Variants in BRCA1 observed in about 807,000 individuals in gnomAD.
The protein encoded by BRCA1 is BRCA1 DNA repair associated.
A neutral mutation model predicts 173.7 loss-of-function variants in BRCA1; 140 were observed. That is an observed-to-expected ratio of 0.81 (90% CI 0.70 to 0.93). The LOEUF is 0.93. Among genes scored for constraint, BRCA1 ranks in the 40% least tolerant of loss-of-function variants. The pLI is 0.00. For synonymous variants in BRCA1, 662 were observed against 756.0 expected (o/e 0.88, Z 2.04); for missense variants, 1,983 against 2,172.5 (o/e 0.91, Z 1.73).
At chr17:43,129,945 C>T (rs1284813191), upstream of BRCA1, among the ~76,000 whole-genome samples, 3 of 152,078 alleles carry the variant, frequency 2.0e-5, no homozygotes, top group Non-Finnish European at 2.9e-5. Flanking sequence ...GAATACTTGA[C>T]GTCAGCAGGA....
intron 11 of BRCA1, among the ~76,000 whole-genome samples, chr17:43,088,424 C>T (rs1396691693): frequency 2.0e-5 from 3 of 151,736 alleles, no homozygotes; most frequent in East Asian, 1.9e-4. Flanking sequence ...AGGCAATGTA[C>T]CCAGAGTAAC....
At chr17:43,100,678 A>ATATATATATATATATATATATATAT (rs1491277616) in intron 6 of BRCA1, among the ~76,000 whole-genome samples, 1 of 36,280 alleles carries the variant, frequency 2.8e-5, no homozygotes, top group Non-Finnish European at 4.5e-5. Context: ...ATATATATAT[A>ATATATATATATATATATATATATAT]ATATATATAT....
At chr17:43,124,370 G>A (rs902474145) in intron 1 of BRCA1, among the ~76,000 whole-genome samples, 4 of 152,146 alleles carry the variant, frequency 2.6e-5, no homozygotes, top group African/African-American at 9.7e-5. Context: ...CTCCAAGAAA[G>A]AGAAAGCTAC....
At chr17:43,097,216 T>C in intron 8 of BRCA1, 28 bp downstream of exon 8, 5 of 1,605,014 alleles carry the variant, frequency 3.1e-6, no homozygotes, top group Non-Finnish European at 4.3e-6. Context: ...AATACCAGCT[T>C]CATAGACAAA....
chr17:43,099,694 A>G (rs2154527504), intron 7 of BRCA1, 81 bp downstream of exon 7: 2 of 1,221,238 alleles, frequency 1.6e-6, no homozygotes, highest in Non-Finnish European at 2.4e-6. Context: ...AATACAAATT[A>G]TGACCAAGAT....
chr17:43,096,393 A>AAAAAAG (rs1555593762), intron 8 of BRCA1, among the ~76,000 whole-genome samples: 1 of 149,796 alleles, frequency 6.7e-6, no homozygotes, highest in African/African-American at 2.5e-5. Flanking sequence ...AAAAAAAAAA[A>AAAAAAG]AGAGAGAAAG....
chr17:43,104,994 G>T, intron 4 of BRCA1, 38 bp from the exon 5 acceptor site: 2 of 1,515,214 alleles, frequency 1.3e-6, no homozygotes, highest in South Asian at 1.1e-5. Flanking sequence ...CTCAGCAAGT[G>T]ATTATCAACC....
intron 16 of BRCA1, among the ~76,000 whole-genome samples, chr17:43,064,250 T>C (rs947061873): frequency 2.0e-5 from 3 of 152,358 alleles, no homozygotes; most frequent in South Asian, 2.1e-4. Flanking sequence ...ATCTCCATTA[T>C]AGTGTTCAAG....
intron 8 of BRCA1, among the ~76,000 whole-genome samples, chr17:43,096,287 G>C (rs1567803463): frequency 6.8e-6 from 1 of 146,740 alleles, no homozygotes. Flanking sequence ...TGAGGCAGGA[G>C]TATGGCTTCA....
chr17:43,126,962 G>A (rs1428675458), upstream of BRCA1, among the ~76,000 whole-genome samples: 3 of 152,142 alleles, frequency 2.0e-5, no homozygotes, highest in South Asian at 2.1e-4. Context: ...CCTAGCACCC[G>A]GGCCAGCAGC....
rs532260289 is a variant in BRCA1 at position 43,138,850 on chromosome 17, G to A, written c.-19-14735C>T. 6.4e-6 allele frequency: 5 copies of A among 778,838 alleles called. No homozygotes were observed. In the East Asian group the frequency reaches 7.3e-5, roughly 11 times the overall value. The allele number at this position is 778,838 out of a possible 1,614,324, so 48.2% of individuals were successfully genotyped here. On this transcript the variant is annotated intron_variant, in intron 1 of 7. Coordinates refer to the BRCA1 transcript ENST00000634433. The stretch of plus-strand genomic sequence containing the variant: ...CCCACCAGTCACCAGCCTGGGGACC[G>A]TGGGGCTGCAAGGACCTCAGCAGCG...
Position 43,093,858 on chromosome 17 carries a change from T to A in BRCA1, c.1673A>T (p.Lys558Ile). 4 of 1,613,810 alleles carry A rather than the reference T, an allele frequency of 2.5e-6. No homozygotes were observed. The highest frequency in any genetic ancestry group is 3.4e-6 in the Non-Finnish European group (4 of 1,179,972). Residue 558 changes from lysine to isoleucine, a missense_variant, in exon 10 of 23, where the codon AAA becomes ATA. Coordinates refer to ENST00000357654, the MANE Select transcript of BRCA1 (RefSeq NM_007294.4). ...TTTCTCATTCTGAATAGAATCACCT[T>A]TTGTTTTATTCTCATGACCACTATT... is the stretch of plus-strand genomic sequence containing the variant. ...ITNSGHENKTKGDSIQNEKNP... is the reference protein window; with the variant it reads ...ITNSGHENKTIGDSIQNEKNP...
rs2054685676 is a variant in BRCA1 at position 43,104,918 on chromosome 17, T to C, written c.251A>G (p.Glu84Gly). The C allele has an allele frequency of 6.2e-7, 1 of 1,613,970 alleles. No homozygotes were observed. The change falls in exon 5 of 23, where the codon GAA becomes GGA. Residue 84 changes from glutamate to glycine, a missense_variant. Glu to Gly is a moderately conservative substitution (Grantham distance 98). Coordinates refer to ENST00000357654, the MANE Select transcript of BRCA1 (RefSeq NM_007294.4). Reference protein sequence around the residue: ...QESTRFSQLVEELLKIICAFQ... With the variant: ...QESTRFSQLVGELLKIICAFQ... ...AGCACAAATGATTTTCAATAGCTCT[T>C]CAACAAGTTGACTAAATCTCGTACT...
At chr17:43,170,113 CG>C in intron 1 of BRCA1, 1 of 290,154 alleles carries the variant, frequency 3.4e-6, no homozygotes, top group Non-Finnish European at 7.0e-6. Flanking sequence ...CTGCCGGACG[CG>C]GTGCTACTCA....
At chr17:43,161,079 A>G (rs1285910055) in intron 1 of BRCA1, 1 of 152,178 alleles carries the variant, frequency 6.6e-6, no homozygotes, top group Non-Finnish European at 1.5e-5. Context: ...GCCCTTGGTT[A>G]TCTATGTGTA....
rs748299111 is a variant in BRCA1 at position 43,045,492 on chromosome 17, C to T, written c.*186G>A. On this transcript the variant is annotated 3_prime_UTR_variant, in exon 23 of 23. Transcript: ENST00000357654. Reference sequence around the variant, plus strand: ...CATGGCAGATTTCCAAGGGAGACTTCAAGCAGAAAATCTTTAAGGGACCCT... The same window carrying T: ...CATGGCAGATTTCCAAGGGAGACTTTAAGCAGAAAATCTTTAAGGGACCCT... 6.4e-5 allele frequency: 60 copies of T among 941,110 alleles called. No homozygotes were observed. Among genetic ancestry groups the T allele is most frequent in the Non-Finnish European group, 8.4e-5 (50 of 598,042 alleles). The allele number at this position is 941,110 out of a possible 1,614,324, so 58.3% of individuals were successfully genotyped here.
At chr17:43,149,030 T>TTAC (rs2056142144) in intron 1 of BRCA1, among the ~76,000 whole-genome samples, 1 of 152,154 alleles carries the variant, frequency 6.6e-6, no homozygotes, top group Non-Finnish European at 1.5e-5. Flanking sequence ...GCTCAATCCC[T>TTAC]TACATATAAT....
chr17:43,148,164 C>G (rs1011242512), intron 1 of BRCA1, among the ~76,000 whole-genome samples: 1 of 152,138 alleles, frequency 6.6e-6, no homozygotes, highest in Non-Finnish European at 1.5e-5. Flanking sequence ...GTGGCGCAAG[C>G]CTGTAATCCC....
chr17:43,056,717 A>G (rs1480384543), intron 19 of BRCA1, among the ~76,000 whole-genome samples: 4 of 151,906 alleles, frequency 2.6e-5, no homozygotes, highest in African/African-American at 9.7e-5. Context: ...GAGAGAGAGA[A>G]AGACACCCCA....
Sources: allele counts gnomAD v4.1 joint callset (sites outside exome capture counted in the v4.1 genomes callset), GRCh38; gene constraint gnomAD v4.1.1; transcripts MANE v1.5; gene names NCBI Gene and HGNC (gene_info 2026-07-23, HGNC 2026-07-21).